PLEKHA7: variants seen among roughly 807,000 people sequenced by gnomAD.
The protein encoded by PLEKHA7 is pleckstrin homology domain containing A7.
A neutral mutation model predicts 170.0 loss-of-function variants in PLEKHA7; 104 were observed. The ratio of observed to expected loss-of-function variants is 0.61; its 90% CI spans 0.52 to 0.72. The LOEUF is 0.72. Ranked by LOEUF, PLEKHA7 falls within the 30% of genes least tolerant of loss-of-function variation. The pLI is 0.00. For missense variants in PLEKHA7, 1,615 were observed against 1,671.7 expected (o/e 0.97, Z 0.59); for synonymous variants, 648 against 660.8 (o/e 0.98, Z 0.30).
intron 13 of PLEKHA7, 39 bp downstream of exon 13, chr11:16,813,074 T>C: frequency 6.3e-7 from 1 of 1,587,322 alleles, no homozygotes; most frequent in Non-Finnish European, 8.6e-7. Context: ...CTCAGAAAGG[T>C]GAGTATGCAA....
At chr11:16,850,800 C>T (rs1052676312) in intron 8 of PLEKHA7, among the ~76,000 whole-genome samples, 2 of 152,224 alleles carry the variant, frequency 1.3e-5, no homozygotes, top group African/African-American at 4.8e-5. Context: ...AGGCCCCTAA[C>T]CTTCAATGTG....
At chr11:16,964,546 C>T (rs1862254109) in intron 3 of PLEKHA7, among the ~76,000 whole-genome samples, 1 of 152,170 alleles carries the variant, frequency 6.6e-6, no homozygotes, top group Middle Eastern at 3.2e-3. Context: ...CTTGGAACTT[C>T]CTGAGGGGCC....
At chr11:16,887,321 CTCTCCCCACGG>C (rs1856194369) in intron 3 of PLEKHA7, among the ~76,000 whole-genome samples, 1 of 120,382 alleles carries the variant, frequency 8.3e-6, no homozygotes, top group Non-Finnish European at 1.9e-5. Flanking sequence ...CTCCCTCTCC[CTCTCCCCACGG>C]TCTCCCTCTC....
At chr11:16,916,564 C>CCA (rs1348803443) in intron 3 of PLEKHA7, among the ~76,000 whole-genome samples, 1 of 152,170 alleles carries the variant, frequency 6.6e-6, no homozygotes, top group African/African-American at 2.4e-5. Flanking sequence ...TGTAAAAAAG[C>CCA]CACGGCAGTG....
chr11:16,957,697 C>CTTTTTTTTTTCTTTT (rs58942054), intron 3 of PLEKHA7, among the ~76,000 whole-genome samples: 14 of 87,302 alleles, frequency 1.6e-4, no homozygotes, highest in African/African-American at 7.1e-4. Context: ...TAATTTTTTT[C>CTTTTTTTTTTCTTTT]TTTTTTTTTT....
chr11:16,863,391 TC>T (rs917348642), intron 4 of PLEKHA7, among the ~76,000 whole-genome samples: 2 of 151,998 alleles, frequency 1.3e-5, no homozygotes, highest in African/African-American at 2.4e-5. Flanking sequence ...CAAGCTAAAC[TC>T]ACTGGGATGC....
At chr11:16,798,838 G>A (rs917914195) in intron 17 of PLEKHA7, among the ~76,000 whole-genome samples, 2 of 152,114 alleles carry the variant, frequency 1.3e-5, no homozygotes, top group African/African-American at 4.8e-5. Flanking sequence ...AATGTGAAAA[G>A]GCAGTTACAC....
chr11:16,869,062 C>T (rs1056228102), intron 4 of PLEKHA7, among the ~76,000 whole-genome samples: 2 of 152,174 alleles, frequency 1.3e-5, no homozygotes, highest in Non-Finnish European at 2.9e-5. Flanking sequence ...ACTCAATAAC[C>T]TCCCAAGAGC....
In PLEKHA7 at chr11:16,810,868, C is replaced by T. The variant is rs761317187; in HGVS notation, c.2007+2245G>A. 3.9e-5 allele frequency among the ~76,000 whole-genome samples: 6 copies of T among 152,278 alleles called. No homozygotes were observed. The East Asian group carries it at 5.8e-4, about 15-fold the overall frequency. On this transcript the variant is annotated intron_variant, in intron 13 of 26. Coordinates refer to ENST00000531066, the MANE Select transcript of PLEKHA7 (RefSeq NM_001329630.2). ...AGAGCCGCACCCAAATACTGACACC[C>T]GCTAGCTGCTGTGTAGGCTTGGGAA...
At chr11:16,904,692 A>C (rs1267411191) in intron 3 of PLEKHA7, among the ~76,000 whole-genome samples, 1 of 152,242 alleles carries the variant, frequency 6.6e-6, no homozygotes, top group Admixed American at 6.5e-5. Context: ...ATTAACTGTA[A>C]TATGCCACCA....
chr11:16,912,403 A>G (rs1320365083), intron 3 of PLEKHA7, among the ~76,000 whole-genome samples: 2 of 152,362 alleles, frequency 1.3e-5, no homozygotes, highest in South Asian at 2.1e-4. Context: ...TGGTATAACT[A>G]TAAAGGGAGA....
intron 3 of PLEKHA7, among the ~76,000 whole-genome samples, chr11:16,898,438 C>G (rs1160527701): frequency 6.6e-6 from 1 of 152,120 alleles, no homozygotes; most frequent in Non-Finnish European, 1.5e-5. Flanking sequence ...GACTTGAATA[C>G]CTGCTTTGTA....
intron 3 of PLEKHA7, among the ~76,000 whole-genome samples, chr11:16,978,014 C>T (rs1863180631): frequency 6.6e-6 from 1 of 152,104 alleles, no homozygotes; most frequent in Non-Finnish European, 1.5e-5. Flanking sequence ...AGATCTTGTG[C>T]ATTAAAATCG....
chr11:16,924,625 C>G (rs1164587704), intron 3 of PLEKHA7, among the ~76,000 whole-genome samples: 2 of 152,062 alleles, frequency 1.3e-5, no homozygotes, highest in Non-Finnish European at 2.9e-5. Flanking sequence ...TGGGGCTGTC[C>G]CACCGACAAC....
chr11:16,931,295 C>G (rs1285804066), intron 3 of PLEKHA7, among the ~76,000 whole-genome samples: 1 of 152,056 alleles, frequency 6.6e-6, no homozygotes, highest in Non-Finnish European at 1.5e-5. Flanking sequence ...TTTAGCAAAC[C>G]CTCAGTGATT....
At chr11:16,912,008 T>C (rs147096719) in intron 3 of PLEKHA7, among the ~76,000 whole-genome samples, 45 of 152,296 alleles carry the variant, frequency 3.0e-4, no homozygotes, top group Admixed American at 8.5e-4. Flanking sequence ...ATCCCTCACA[T>C]GAAAGCCCTG....
At chr11:16,946,146 T>C (rs1861017139) in intron 3 of PLEKHA7, among the ~76,000 whole-genome samples, 1 of 152,214 alleles carries the variant, frequency 6.6e-6, no homozygotes, top group African/African-American at 2.4e-5. Flanking sequence ...TTTCCCCGTC[T>C]GGGTGCTTCT....
At chr11:16,869,609 A>T (rs1365331562) in intron 4 of PLEKHA7, among the ~76,000 whole-genome samples, 1 of 152,258 alleles carries the variant, frequency 6.6e-6, no homozygotes, top group Non-Finnish European at 1.5e-5. Flanking sequence ...CTAAGCTGAA[A>T]ATACTATAAA....
intron 10 of PLEKHA7, among the ~76,000 whole-genome samples, chr11:16,822,227 GT>G (rs1051945719): frequency 6.6e-6 from 1 of 152,064 alleles, no homozygotes; most frequent in Non-Finnish European, 1.5e-5. Flanking sequence ...GCTTTTGAAA[GT>G]TTTTTCTGTG....
Sources: allele counts gnomAD v4.1 joint callset (sites outside exome capture counted in the v4.1 genomes callset), GRCh38; gene constraint gnomAD v4.1.1; transcripts MANE v1.5; gene names NCBI Gene and HGNC (gene_info 2026-07-23, HGNC 2026-07-21).